EPB41L2: variants seen among roughly 807,000 people sequenced by gnomAD.
EPB41L2 encodes erythrocyte membrane protein band 4.1 like 2, also known as band 4.1-like protein 2.
EPB41L2 carries 43 observed loss-of-function variants against 113.0 expected under a neutral mutation model. The ratio of observed to expected loss-of-function variants is 0.38; its 90% confidence interval spans 0.30 to 0.49. The LOEUF (loss-of-function observed/expected upper bound fraction) is 0.49, where lower values mean the gene tolerates loss of function less well. Among genes scored for constraint, EPB41L2 ranks in the 20% least tolerant of loss-of-function variants. The probability of loss-of-function intolerance (pLI) is 0.95; values close to 1 mark genes in which losing one functional copy is unlikely to be tolerated. For synonymous variants in EPB41L2, 442 were observed against 436.7 expected (o/e 1.01, Z -0.15); for missense variants, 1,147 against 1,223.4 (o/e 0.94, Z 0.93).
chr6:130,882,793 A>G (rs560482464), intron 12 of EPB41L2: 1 of 153,040 alleles, frequency 6.5e-6, no homozygotes, highest in South Asian at 2.1e-4. Flanking sequence ...CAAGATATCC[A>G]TCTTCATCAA....
chr6:130,930,650 C>T (rs189475472), intron 3 of EPB41L2, among the ~76,000 whole-genome samples: 31 of 152,042 alleles, frequency 2.0e-4, no homozygotes, highest in Admixed American at 1.8e-3. Flanking sequence ...TTAGATATGC[C>T]CAGCTGCCTG....
At chr6:130,850,544 A>AG (rs1278081708) in intron 19 of EPB41L2, among the ~76,000 whole-genome samples, 4 of 152,068 alleles carry the variant, frequency 2.6e-5, no homozygotes, top group Non-Finnish European at 5.9e-5. Flanking sequence ...CTATATGGAA[A>AG]GGGGGGGTGT....
At chr6:130,955,832 G>A (rs564078375) in intron 2 of EPB41L2, among the ~76,000 whole-genome samples, 162 bp downstream of exon 2, 1 of 152,080 alleles carries the variant, frequency 6.6e-6, no homozygotes, top group Non-Finnish European at 1.5e-5. Flanking sequence ...GAGTAACAGG[G>A]AAAGGCTATG....
chr6:131,037,944 T>C (rs1793695239), intron 1 of EPB41L2, among the ~76,000 whole-genome samples: 1 of 152,060 alleles, frequency 6.6e-6, no homozygotes, highest in Non-Finnish European at 1.5e-5. Flanking sequence ...TCTGCAAAAA[T>C]TTACAGTAGA....
chr6:130,925,603 T>C (rs1024080774), intron 4 of EPB41L2, among the ~76,000 whole-genome samples: 1 of 152,184 alleles, frequency 6.6e-6, no homozygotes, highest in African/African-American at 2.4e-5. Context: ...TATGCTCCTA[T>C]GAATCTACCA....
chr6:130,982,899 T>C (rs996124195), intron 1 of EPB41L2, among the ~76,000 whole-genome samples: 1 of 152,182 alleles, frequency 6.6e-6, no homozygotes, highest in African/African-American at 2.4e-5. Flanking sequence ...CATACAGTGG[T>C]TAATCAACAG....
At chr6:130,846,893 G>A (rs535012785) in intron 19 of EPB41L2, among the ~76,000 whole-genome samples, 1 of 152,164 alleles carries the variant, frequency 6.6e-6, no homozygotes, top group Non-Finnish European at 1.5e-5. Flanking sequence ...TCCTGGCTTT[G>A]CTTCCAAGTT....
At chr6:131,019,025 T>C (rs538975291) in intron 1 of EPB41L2, among the ~76,000 whole-genome samples, 3 of 152,330 alleles carry the variant, frequency 2.0e-5, no homozygotes, top group African/African-American at 7.2e-5. Flanking sequence ...GCATATTAAC[T>C]TTAGGACTGG....
intron 1 of EPB41L2, among the ~76,000 whole-genome samples, chr6:131,053,919 C>T (rs576417254): frequency 1.2e-4 from 19 of 152,306 alleles, no homozygotes; most frequent in South Asian, 8.3e-4. Flanking sequence ...GATCTTACAA[C>T]GGGAGGCACA....
intron 19 of EPB41L2, among the ~76,000 whole-genome samples, chr6:130,846,119 T>C (rs1000429815): frequency 2.6e-5 from 4 of 152,118 alleles, no homozygotes; most frequent in African/African-American, 9.7e-5. Flanking sequence ...TGGAAAATGG[T>C]GTTTTGGCCA....
chr6:130,948,373 C>T (rs998816619), intron 3 of EPB41L2, among the ~76,000 whole-genome samples: 2 of 151,988 alleles, frequency 1.3e-5, no homozygotes, highest in African/African-American at 4.8e-5. Flanking sequence ...CATTCCAAAA[C>T]GAGATCCGAG....
At chr6:130,945,190 T>C (rs1812389076) in intron 3 of EPB41L2, among the ~76,000 whole-genome samples, 1 of 152,178 alleles carries the variant, frequency 6.6e-6, no homozygotes, top group Non-Finnish European at 1.5e-5. Flanking sequence ...GTTGAAACTG[T>C]TTAACTAGTA....
chr6:130,989,710 C>T (rs1004588206), intron 1 of EPB41L2, among the ~76,000 whole-genome samples: 2 of 152,146 alleles, frequency 1.3e-5, no homozygotes, highest in African/African-American at 2.4e-5. Flanking sequence ...GTGTTTTCTT[C>T]GTTATCAAAA....
At chr6:131,004,241 T>C (rs536667593) in intron 1 of EPB41L2, among the ~76,000 whole-genome samples, 5 of 152,150 alleles carry the variant, frequency 3.3e-5, no homozygotes, top group East Asian at 1.9e-4. Context: ...GAAGGCTTGA[T>C]TGAAGAAGGG....
At chr6:130,951,312 C>CT (rs34082234) in intron 3 of EPB41L2, among the ~76,000 whole-genome samples, 902 of 50,838 alleles carry the variant, frequency 0.018, 179 homozygotes, top group African/African-American at 0.03. Flanking sequence ...AGCCTCAGTA[C>CT]TTTTTTTTTT....
chr6:131,006,541 G>A lies in EPB41L2; in HGVS notation c.-14-50042C>T, dbSNP rs141508605. On this transcript the variant is annotated intron_variant, in intron 1 of 19. Coordinates refer to ENST00000337057, the MANE Select transcript of EPB41L2 (RefSeq NM_001431.4). ...AAAATTTAGCCAAGTGTGGTGGTGC[G>A]CGCCTGTATTTCCAGCTACTCAGGA... Among the ~76,000 whole-genome samples the A allele has an allele frequency of 3.6e-3, 550 of 151,298 alleles. 2 individuals carry two copies. The highest frequency in any genetic ancestry group is 0.013 in the African/African-American group (520 of 41,356).
At chr6:131,042,903 G>A (rs1794720652) in intron 1 of EPB41L2, among the ~76,000 whole-genome samples, 1 of 152,180 alleles carries the variant, frequency 6.6e-6, no homozygotes, top group Admixed American at 6.5e-5. Flanking sequence ...GTATTTGGAT[G>A]TGGTGTTTGC....
At chr6:130,912,304 A>C (rs1231765691) in intron 4 of EPB41L2, among the ~76,000 whole-genome samples, 1 of 152,252 alleles carries the variant, frequency 6.6e-6, no homozygotes, top group Non-Finnish European at 1.5e-5. Flanking sequence ...TAAAATGCTT[A>C]TTAGTACACA....
chr6:130,955,194 T>C lies in EPB41L2; in HGVS notation c.616A>G (p.Lys206Glu). ...TTCTTGGTGACTTTTTGAGATGCCT[T>C]CTCTGCTTTCAGCTCATTGGTCTGC... The part of the protein sequence containing the change: ...EVQTNELKAE[K>E]ASQKVTKKTK... The change falls in exon 3 of 20, where the codon AAG becomes GAG. Residue 206 changes from lysine to glutamate, a missense_variant. Physicochemically the swap from Lys to Glu is moderately conservative, Grantham distance 56. Coordinates refer to ENST00000337057, the MANE Select transcript of EPB41L2 (RefSeq NM_001431.4). The C allele has an allele frequency of 1.2e-6, 2 of 1,614,184 alleles. No individual in the cohort carries two copies. The highest frequency in any genetic ancestry group is 3.3e-5 in the Admixed American group (2 of 60,018).
Sources: allele counts gnomAD v4.1 joint callset (sites outside exome capture counted in the v4.1 genomes callset), GRCh38; gene constraint gnomAD v4.1.1; transcripts MANE v1.5; gene names NCBI Gene and HGNC (gene_info 2026-07-23, HGNC 2026-07-21).